The following CAMTA1 variants were observed in gnomAD, a reference collection of about 807,000 sequenced individuals.
CAMTA1 encodes the protein calmodulin binding transcription activator 1.
Under a neutral mutation model 170.9 loss-of-function variants are expected in CAMTA1, and 27 were observed. The ratio of observed to expected loss-of-function variants is 0.16; its 90% confidence interval spans 0.12 to 0.22. CAMTA1 has a LOEUF of 0.22. CAMTA1 is among the 10% of genes least tolerant of loss of function. The pLI, the probability that CAMTA1 is intolerant of heterozygous loss-of-function variation, is 1.00. For synonymous variants in CAMTA1, 833 were observed against 891.5 expected (o/e 0.93, Z 1.17); for missense variants, 1,619 against 2,217.2 (o/e 0.73, Z 5.42).
At chr1:7,472,739 C>T (rs2149573228) in intron 6 of CAMTA1, among the ~76,000 whole-genome samples, 1 of 152,258 alleles carries the variant, frequency 6.6e-6, no homozygotes, top group East Asian at 1.9e-4. Flanking sequence ...GGGTGCAGGG[C>T]ACAGGGGTGC....
rs1005441832 is a variant in CAMTA1 at position 7,482,858 on chromosome 1, A to T, written c.510+14957A>T. ...ATTGGGGTGCAGGCGTCTCCTGTGG[A>T]AAGTCCCCAGCTCAGGTCCCTGATG... On this transcript the variant is annotated intron_variant, in intron 6 of 22. Transcript: ENST00000303635. This position sits in a 1 kb window ranked among gnomAD's most constrained non-coding sequence, Gnocchi z 4.2. 6.6e-6 allele frequency among the ~76,000 whole-genome samples: 1 copy of T among 152,082 alleles called. No individual in the cohort carries two copies. The highest frequency in any genetic ancestry group is 2.4e-5 in the African/African-American group (1 of 41,390).
At chr1:7,315,494 A>G (rs928703502) in intron 5 of CAMTA1, among the ~76,000 whole-genome samples, 1 of 152,186 alleles carries the variant, frequency 6.6e-6, no homozygotes, top group Admixed American at 6.5e-5. Context: ...CCTGGCTTTT[A>G]CCGTGGTGAA....
intron 11 of CAMTA1, among the ~76,000 whole-genome samples, chr1:7,678,287 C>A (rs1480520081): frequency 6.6e-6 from 1 of 152,232 alleles, no homozygotes; most frequent in Admixed American, 6.5e-5. Context: ...CCCTCAAATA[C>A]CCTCAACTCC....
intron 11 of CAMTA1, chr1:7,694,087 C>G (rs2096348613): frequency 6.6e-6 from 1 of 152,210 alleles, no homozygotes; most frequent in African/African-American, 2.4e-5. Flanking sequence ...CTTTGGGCAA[C>G]GTTAAATTCT....
At position 7,677,633 on chromosome 1, in the gene CAMTA1, C is replaced by G; in HGVS notation, c.2814C>G (p.Ala938=). 1 of 1,614,142 alleles carries G rather than the reference C, an allele frequency of 6.2e-7. No homozygotes were observed. The highest frequency in any genetic ancestry group is 8.5e-7 in the Non-Finnish European group (1 of 1,180,006). The part of the protein sequence containing the change: ...HDTGLVTLQV[A]FNNQIISNSV... ...CTGGTCTTGTGACCCTACAAGTTGC[C>G]TTCAACAACCAGATCATCTCCAACT... The change falls in exon 11 of 23, where the codon GCC becomes GCG. Residue 938 remains alanine (A), a synonymous_variant. Transcript: ENST00000303635.
intron 3 of CAMTA1, among the ~76,000 whole-genome samples, chr1:7,084,181 A>G (rs899631952): frequency 6.6e-6 from 1 of 152,144 alleles, no homozygotes; most frequent in Admixed American, 6.5e-5. Flanking sequence ...ATATATAAAT[A>G]TATGTACACA....
intron 3 of CAMTA1, among the ~76,000 whole-genome samples, chr1:6,830,100 G>A (rs1297868322): frequency 1.3e-5 from 2 of 151,288 alleles, no homozygotes; most frequent in Admixed American, 6.6e-5. Flanking sequence ...GCAGTGGCGC[G>A]ATCTCCGCTC....
chr1:7,179,853 A>G (rs1353102096), intron 4 of CAMTA1, among the ~76,000 whole-genome samples: 1 of 152,186 alleles, frequency 6.6e-6, no homozygotes, highest in Non-Finnish European at 1.5e-5. Flanking sequence ...GGTAAACCAA[A>G]AGAAAGCACA....
chr1:7,100,184 T>G (rs1642557565), intron 4 of CAMTA1, among the ~76,000 whole-genome samples: 1 of 152,204 alleles, frequency 6.6e-6, no homozygotes, highest in African/African-American at 2.4e-5. Context: ...ACTTGGGTTT[T>G]TGCTTCCTAG....
At position 7,673,591 on chromosome 1, in the gene CAMTA1, G is replaced by C. The variant is rs577756166; in HGVS notation, c.2779+2554G>C. ...GCCACTCACCCTCCTAGCTGTTCAGGCTCATTATATGAGCCATAATGTGTC... is the reference window on the plus strand; with the variant it reads ...GCCACTCACCCTCCTAGCTGTTCAGCCTCATTATATGAGCCATAATGTGTC... On this transcript the variant is annotated intron_variant, in intron 10 of 22. Transcript: ENST00000303635. This position sits in a 1 kb window ranked among gnomAD's most constrained non-coding sequence, Gnocchi z 4.6. Among the ~76,000 whole-genome samples the C allele has an allele frequency of 6.6e-6, 1 of 152,172 alleles. No individual in the cohort carries two copies. The highest frequency in any genetic ancestry group is 1.5e-5 in the Non-Finnish European group (1 of 68,038).
chr1:7,747,870 G>C, intron 19 of CAMTA1, 89 bp downstream of exon 19: 3 of 728,308 alleles, frequency 4.1e-6, no homozygotes, highest in Admixed American at 2.6e-5. Flanking sequence ...ACTACATCTA[G>C]TACCTCATTA....
At chr1:7,557,575 A>C (rs1395665386) in intron 6 of CAMTA1, among the ~76,000 whole-genome samples, 2 of 152,238 alleles carry the variant, frequency 1.3e-5, no homozygotes, top group Non-Finnish European at 2.9e-5. Context: ...TTGCTTCTAA[A>C]AGTTATTGGT....
intron 5 of CAMTA1, among the ~76,000 whole-genome samples, chr1:7,381,324 T>G (rs2087304336): frequency 8.5e-6 from 1 of 117,542 alleles, no homozygotes; most frequent in Non-Finnish European, 1.7e-5. Context: ...CCCACAACAG[T>G]CCCCAGAGTG....
In CAMTA1 at chr1:7,286,086, C is replaced by G. The variant is rs191710934; in HGVS notation, c.438+36460C>G. 7.0e-4 allele frequency among the ~76,000 whole-genome samples: 107 copies of G among 152,326 alleles called. No homozygotes were observed. The highest frequency in any genetic ancestry group is 2.5e-3 in the African/African-American group (102 of 41,574). ...AGCACCATGCCAGATTCTGAAGACT[C>G]AGGGACCAGCGCCACATGGTCTCTG... On this transcript the variant is annotated intron_variant, in intron 5 of 22. Coordinates refer to ENST00000303635, the MANE Select transcript of CAMTA1 (RefSeq NM_015215.4). This position sits in a 1 kb window ranked among gnomAD's most constrained non-coding sequence, Gnocchi z 4.2.
At chr1:7,727,367 C>G (rs2096697196) in intron 11 of CAMTA1, among the ~76,000 whole-genome samples, 4 of 152,204 alleles carry the variant, frequency 2.6e-5, no homozygotes, top group Admixed American at 2.6e-4. Context: ...TGTGATCCAC[C>G]TGCCTCGGTC....
chr1:7,441,740 G>T (rs947154072), intron 5 of CAMTA1, among the ~76,000 whole-genome samples: 5 of 152,116 alleles, frequency 3.3e-5, no homozygotes, highest in African/African-American at 1.2e-4. Context: ...CAAAGGGGAC[G>T]GCTGGCAGGA....
At chr1:7,537,095 T>C (rs1174816092) in intron 6 of CAMTA1, among the ~76,000 whole-genome samples, 2 of 152,192 alleles carry the variant, frequency 1.3e-5, no homozygotes, top group African/African-American at 4.8e-5. Context: ...TCTGCAGCTG[T>C]GGGCTACAGC....
intron 1 of CAMTA1, among the ~76,000 whole-genome samples, chr1:6,805,971 T>C (rs1020156570): frequency 7.2e-5 from 11 of 152,222 alleles, no homozygotes; most frequent in African/African-American, 2.4e-4. Flanking sequence ...CCTGTGTTTT[T>C]TTGTTAGAGT....
intron 5 of CAMTA1, among the ~76,000 whole-genome samples, chr1:7,345,542 A>T (rs1299659644): frequency 1.3e-5 from 2 of 152,170 alleles, no homozygotes. Context: ...CTTAGGTGAG[A>T]TGATGTTGTA....
Sources: gnomAD v4.1 joint callset for allele counts (sites outside exome capture counted in the v4.1 genomes callset) on GRCh38, gnomAD v4.1.1 for gene constraint, Gnocchi (gnomAD v3.1) non-coding constraint, MANE v1.5 for transcripts, NCBI Gene and HGNC (gene_info 2026-07-23, HGNC 2026-07-21) for gene names.